The following CENPW variants were observed in gnomAD, a reference collection of about 807,000 sequenced individuals.
CENPW encodes cancer-up-regulated gene 2 protein.
A neutral mutation model predicts 11.1 loss-of-function variants in CENPW; 3 were observed. The ratio of observed to expected loss-of-function variants is 0.27; its 90% CI spans 0.12 to 0.70. The LOEUF (loss-of-function observed/expected upper bound fraction) is 0.70. Ranked by LOEUF, CENPW falls within the 30% of genes least tolerant of loss-of-function variation. The probability of loss-of-function intolerance (pLI) is 0.77; values close to 1 mark genes in which losing one functional copy is unlikely to be tolerated. For missense variants in CENPW, 100 were observed against 105.6 expected, an observed-to-expected ratio of 0.95 and a Z score of 0.23; for synonymous variants, 38 against 42.0, an observed-to-expected ratio of 0.91 and a Z score of 0.37.
At chr6:126,413,030 A>G in the CENPW span, among the ~76,000 whole-genome samples, 1 of 152,176 alleles carries the variant, frequency 6.6e-6, no homozygotes, top group East Asian at 1.9e-4. Context: ...CAGAAGCTTT[A>G]AATGATTATT....
At chr6:126,475,113 T>C in the CENPW span, among the ~76,000 whole-genome samples, 2 of 152,184 alleles carry the variant, frequency 1.3e-5, no homozygotes, top group African/African-American at 2.4e-5. Context: ...CTTATTTTTA[T>C]TTCTAACTTA....
At chr6:126,385,793 C>T in the CENPW span, among the ~76,000 whole-genome samples, 32 of 152,076 alleles carry the variant, frequency 2.1e-4, no homozygotes, top group African/African-American at 7.2e-4. Context: ...TCGCTTTCTG[C>T]CATTATTGTA....
the CENPW span, among the ~76,000 whole-genome samples, chr6:126,378,639 C>A: frequency 6.6e-6 from 1 of 151,996 alleles, no homozygotes; most frequent in Admixed American, 6.6e-5. Context: ...ACTTTGGGTT[C>A]ATAAAACAGG....
chr6:126,448,859 G>C, the CENPW span, among the ~76,000 whole-genome samples: 1 of 151,048 alleles, frequency 6.6e-6, no homozygotes, highest in Non-Finnish European at 1.5e-5. Context: ...TCCCCCAAAA[G>C]TCGGTTAAGA....
chr6:126,469,127 G>T, the CENPW span, among the ~76,000 whole-genome samples: 83 of 152,202 alleles, frequency 5.5e-4, no homozygotes, highest in African/African-American at 1.8e-3. Flanking sequence ...ATGTTATATG[G>T]TTTGGCTCTG....
chr6:126,436,946 T>C, the CENPW span, among the ~76,000 whole-genome samples: 10 of 151,934 alleles, frequency 6.6e-5, no homozygotes, highest in East Asian at 1.7e-3. Context: ...CGTTGGAGAG[T>C]TAGTTACATT....
chr6:126,449,177 C>G, the CENPW span, among the ~76,000 whole-genome samples: 3 of 151,014 alleles, frequency 2.0e-5, no homozygotes, highest in African/African-American at 7.3e-5. Context: ...AGAAATGAGA[C>G]CAAATATACT....
chr6:126,460,257 C>G, the CENPW span, among the ~76,000 whole-genome samples: 1 of 151,474 alleles, frequency 6.6e-6, no homozygotes, highest in Non-Finnish European at 1.5e-5. Flanking sequence ...CATTTGGGAC[C>G]CTTAATTTAA....
chr6:126,456,025 A>G, the CENPW span, among the ~76,000 whole-genome samples: 1 of 151,250 alleles, frequency 6.6e-6, no homozygotes, highest in African/African-American at 2.4e-5. Flanking sequence ...GATGTCTACA[A>G]TGAGAATTAC....
the CENPW span, among the ~76,000 whole-genome samples, chr6:126,424,460 A>T: frequency 1.3e-5 from 2 of 152,164 alleles, no homozygotes; most frequent in Non-Finnish European, 2.9e-5. Flanking sequence ...ATATTTGAAG[A>T]ATGGACTAGG....
the CENPW span, among the ~76,000 whole-genome samples, chr6:126,398,696 G>C: frequency 6.6e-6 from 1 of 151,996 alleles, no homozygotes; most frequent in Non-Finnish European, 1.5e-5. Flanking sequence ...GGGGATACAT[G>C]TGGAGATTTG....
chr6:126,389,879 G>A, the CENPW span, among the ~76,000 whole-genome samples: 7 of 151,908 alleles, frequency 4.6e-5, no homozygotes, highest in South Asian at 8.3e-4. Context: ...AGTTTGACCC[G>A]AAATGCCCAA....
downstream of CENPW, among the ~76,000 whole-genome samples, chr6:126,349,491 A>G (rs776864736): frequency 1.3e-5 from 2 of 152,164 alleles, no homozygotes; most frequent in Admixed American, 6.6e-5. Context: ...ACCATGAACT[A>G]TTCTCCGTCT....
At chr6:126,345,123 T>C (rs1046935612) in intron 1 of CENPW, among the ~76,000 whole-genome samples, 2 of 151,958 alleles carry the variant, frequency 1.3e-5, no homozygotes, top group Non-Finnish European at 2.9e-5. Context: ...TTTCTTCTGC[T>C]TGGATTACAT....
chr6:126,463,319 A>G, the CENPW span, among the ~76,000 whole-genome samples: 2 of 152,152 alleles, frequency 1.3e-5, no homozygotes, highest in Middle Eastern at 6.8e-3. Context: ...TTATTGATGA[A>G]ATAAATCTGA....
At chr6:126,350,550 A>T (rs1037889673), downstream of CENPW, among the ~76,000 whole-genome samples, 1 of 152,128 alleles carries the variant, frequency 6.6e-6, no homozygotes, top group Non-Finnish European at 1.5e-5. Flanking sequence ...TTAGATTTCA[A>T]TGTAAGAATT....
the CENPW span, among the ~76,000 whole-genome samples, chr6:126,468,302 C>A: frequency 6.6e-6 from 1 of 151,572 alleles, no homozygotes; most frequent in Non-Finnish European, 1.5e-5. Flanking sequence ...TGCCTGTAAT[C>A]CCAGTTAACT....
the CENPW span, among the ~76,000 whole-genome samples, chr6:126,393,554 G>T: frequency 1.3e-5 from 2 of 151,454 alleles, no homozygotes; most frequent in South Asian, 2.1e-4. Context: ...GTTTTCAGGA[G>T]CATATTGTTT....
At chr6:126,461,964 G>A in the CENPW span, among the ~76,000 whole-genome samples, 20 of 151,828 alleles carry the variant, frequency 1.3e-4, no homozygotes, top group South Asian at 4.1e-4. Flanking sequence ...ACATTGTAAG[G>A]TGAGTAAATT....
Sources: allele counts gnomAD v4.1 joint callset (sites outside exome capture counted in the v4.1 genomes callset), GRCh38; gene constraint gnomAD v4.1.1; transcripts MANE v1.5; gene names NCBI Gene and HGNC (gene_info 2026-07-23, HGNC 2026-07-21).